JPH2: variants seen among roughly 807,000 people sequenced by gnomAD.
The protein encoded by JPH2 is junctophilin-2.
In JPH2, 38 loss-of-function variants were observed where a neutral mutation model predicts 55.9. The ratio of observed to expected loss-of-function variants is 0.68; its 90% CI spans 0.52 to 0.89. The LOEUF (loss-of-function observed/expected upper bound fraction) is 0.89, where lower values mean the gene tolerates loss of function less well. Ranked by LOEUF, JPH2 falls within the 40% of genes least tolerant of loss-of-function variation. JPH2 has a pLI of 0.00. For missense variants in JPH2, 964 were observed against 1,037.6 expected (o/e 0.93, Z 0.97); for synonymous variants, 480 against 472.4 (o/e 1.02, Z -0.21).
rs6031430 is a variant in JPH2 at position 44,164,142 on chromosome 20, G to A, written c.380-3735C>T. Among the ~76,000 whole-genome samples, 1,131 of 152,358 alleles carry A rather than the reference G, an allele frequency of 7.4e-3. 13 individuals are homozygous for A. The highest frequency in any genetic ancestry group is 0.025 in the African/African-American group (1,034 of 41,590). On this transcript the variant is annotated intron_variant, in intron 1 of 5. Coordinates refer to ENST00000372980, the MANE Select transcript of JPH2 (RefSeq NM_020433.5). ...CTAAGATCCAACTTAAGCTAAGGAA[G>A]TGGAAAATGGGATTGTATGACAGGT...
chr20:44,159,868 C>T lies in JPH2; in HGVS notation c.919G>A (p.Glu307Lys), dbSNP rs866434937. The change falls in exon 2 of 6, where the codon GAA becomes AAA. Residue 307 changes from glutamate (E) to lysine (K), a missense_variant. By Grantham distance (56) the Glu-to-Lys change is moderately conservative (BLOSUM62 1). Coordinates refer to ENST00000372980, the MANE Select transcript of JPH2 (RefSeq NM_020433.5). This position sits in a 1 kb window ranked among gnomAD's most constrained non-coding sequence, Gnocchi z 5.7. The stretch of plus-strand genomic sequence containing the variant: ...TCGTAGCGGAGGCCACTGGAGCGTT[C>T]GCTCACGCCGAAGCCCGAGCGTTTG... ...NDKRSGFGVS[E>K]RSSGLRYEGE... 1.2e-6 allele frequency: 2 copies of T among 1,613,358 alleles called. No homozygotes were observed. Among genetic ancestry groups the T allele is most frequent in the South Asian group, 1.1e-5 (1 of 91,040 alleles).
At chr20:44,143,053 G>A (rs866684017) in intron 2 of JPH2, among the ~76,000 whole-genome samples, 1 of 152,176 alleles carries the variant, frequency 6.6e-6, no homozygotes, top group African/African-American at 2.4e-5. Context: ...AGTGAAGCCA[G>A]ATGAAAAGAG....
At chr20:44,124,582 G>A (rs1035245367) in intron 2 of JPH2, among the ~76,000 whole-genome samples, 4 of 151,980 alleles carry the variant, frequency 2.6e-5, no homozygotes, top group African/African-American at 9.7e-5. Flanking sequence ...GGAAGGCTGA[G>A]GCAGGAGGAT....
rs753494080 is a variant in JPH2, at chr20:44,106,918, T to C, written c.*6600A>G. ...ACCCAGTAACAGAGCAAGGGAGGGG[T>C]ATAAAAGCCCAATGGGAGATGCTCT... On this transcript the variant is annotated 3_prime_UTR_variant, in exon 6 of 6. Transcript: ENST00000372980. Among the ~76,000 whole-genome samples, 1 of 151,474 alleles carries C rather than the reference T, an allele frequency of 6.6e-6. No homozygotes were observed. Among genetic ancestry groups the C allele is most frequent in the Non-Finnish European group, 1.5e-5 (1 of 67,860 alleles).
At chr20:44,182,696 C>T (rs2072795843) in intron 1 of JPH2, among the ~76,000 whole-genome samples, 1 of 152,210 alleles carries the variant, frequency 6.6e-6, no homozygotes, top group Non-Finnish European at 1.5e-5. Flanking sequence ...CTAAGAACAC[C>T]TTCCTCTTCC....
chr20:44,168,567 A>G (rs2072673758), intron 1 of JPH2, among the ~76,000 whole-genome samples: 1 of 152,220 alleles, frequency 6.6e-6, no homozygotes, highest in Admixed American at 6.5e-5. Flanking sequence ...TACAGGTAAC[A>G]TCATTTTGAT....
chr20:44,129,568 A>C (rs1314033120), intron 2 of JPH2, among the ~76,000 whole-genome samples: 4 of 65,918 alleles, frequency 6.1e-5, no homozygotes, highest in African/African-American at 2.1e-4. Flanking sequence ...AAAAAAAAAA[A>C]ACAAAAAAAA....
intron 1 of JPH2, among the ~76,000 whole-genome samples, chr20:44,169,815 A>G (rs1340521913): frequency 6.6e-6 from 1 of 152,058 alleles, no homozygotes; most frequent in African/African-American, 2.4e-5. Context: ...TCATGGTTTA[A>G]TTGGTTATGG....
At chr20:44,128,358 G>A (rs1322009036) in intron 2 of JPH2, among the ~76,000 whole-genome samples, 1 of 152,144 alleles carries the variant, frequency 6.6e-6, no homozygotes, top group African/African-American at 2.4e-5. Context: ...TGAGGCACAG[G>A]GAGGTTAGAT....
intron 1 of JPH2, among the ~76,000 whole-genome samples, chr20:44,171,787 A>G (rs1379739495): frequency 6.6e-6 from 1 of 152,214 alleles, no homozygotes; most frequent in Non-Finnish European, 1.5e-5. Flanking sequence ...CCCTGTTATC[A>G]GTTCATAAAT....
At chr20:44,149,962 G>GAAAA (rs374913556) in intron 2 of JPH2, among the ~76,000 whole-genome samples, 8 of 116,756 alleles carry the variant, frequency 6.9e-5, no homozygotes, top group Admixed American at 1.8e-4. Flanking sequence ...GGGCGACAGA[G>GAAAA]GAAAAAAAAA....
rs187387672 is a variant in JPH2, at chr20:44,153,342, A to G, written c.1169+6276T>C. On this transcript the variant is annotated intron_variant, in intron 2 of 5. Transcript: ENST00000372980. ...TGATTAAACAGGAAAGTGAGCCCAG[A>G]GGGGTGAGGTAACTTGCCTAAGGTC... Among the ~76,000 whole-genome samples the G allele has an allele frequency of 3.4e-3, 517 of 152,326 alleles. 2 individuals carry two copies. The highest frequency in any genetic ancestry group is 0.012 in the African/African-American group (486 of 41,584).
At chr20:44,178,706 C>T (rs182678929) in intron 1 of JPH2, among the ~76,000 whole-genome samples, 3 of 152,118 alleles carry the variant, frequency 2.0e-5, no homozygotes, top group Non-Finnish European at 2.9e-5. Flanking sequence ...CAATTTTGAA[C>T]AGGAAGAGCA....
intron 2 of JPH2, among the ~76,000 whole-genome samples, chr20:44,148,874 T>C (rs963366217): frequency 1.3e-5 from 2 of 151,986 alleles, no homozygotes; most frequent in Non-Finnish European, 2.9e-5. Flanking sequence ...CCATCCTGGC[T>C]AACATGGTGA....
intron 2 of JPH2, among the ~76,000 whole-genome samples, chr20:44,137,117 G>C (rs989208858): frequency 2.6e-5 from 4 of 152,336 alleles, no homozygotes; most frequent in Admixed American, 2.0e-4. Flanking sequence ...GGTACCCCAT[G>C]AATGTTAGCT....
chr20:44,177,973 C>T, intron 1 of JPH2: 1 of 1,097,654 alleles, frequency 9.1e-7, no homozygotes, highest in Non-Finnish European at 1.4e-6. Flanking sequence ...TAACACATCC[C>T]TAAAGGAAAA....
In JPH2 at chr20:44,149,319, T is replaced by C. The variant is rs573130367; in HGVS notation, c.1169+10299A>G. On this transcript the variant is annotated intron_variant, in intron 2 of 5. Transcript: ENST00000372980. ...TGCCATACTCTCGCTACAAGAGCCA[T>C]GGTCCAGGTGTGGTCATACACATTT... Among the ~76,000 whole-genome samples, 6 of 152,342 alleles carry C rather than the reference T, an allele frequency of 3.9e-5. No homozygotes were observed. In the South Asian group the frequency reaches 1.2e-3, roughly 32 times the overall value.
At chr20:44,169,975 T>G (rs2072685664) in intron 1 of JPH2, among the ~76,000 whole-genome samples, 1 of 152,210 alleles carries the variant, frequency 6.6e-6, no homozygotes, top group Non-Finnish European at 1.5e-5. Flanking sequence ...CCCTTGACCT[T>G]GGACTGCCTA....
At chr20:44,149,252 G>A (rs1339574372) in intron 2 of JPH2, among the ~76,000 whole-genome samples, 1 of 151,908 alleles carries the variant, frequency 6.6e-6, no homozygotes, top group African/African-American at 2.4e-5. Flanking sequence ...CCAGATCCCT[G>A]CATTAGCCTC....
Sources: allele counts gnomAD v4.1 joint callset (sites outside exome capture counted in the v4.1 genomes callset), GRCh38; gene constraint gnomAD v4.1.1; non-coding constraint Gnocchi (gnomAD v3.1); transcripts MANE v1.5; gene names NCBI Gene and HGNC (gene_info 2026-07-23, HGNC 2026-07-21).